Variants in UNC5C observed in about 807,000 individuals in gnomAD.
UNC5C encodes unc-5 netrin receptor C, also known as netrin receptor UNC5C.
Under a neutral mutation model 99.8 loss-of-function variants are expected in UNC5C, and 47 were observed. The ratio of observed to expected loss-of-function variants is 0.47; its 90% CI spans 0.37 to 0.60. The LOEUF is 0.60. UNC5C is among the 20% of genes least tolerant of loss of function. The pLI, the probability that UNC5C is intolerant of heterozygous loss-of-function variation, is 0.00. For missense variants in UNC5C, 1,062 were observed against 1,165.9 expected, an observed-to-expected ratio of 0.91 and a Z score of 1.30; for synonymous variants, 487 against 452.2, an observed-to-expected ratio of 1.08 and a Z score of -0.98.
chr4:95,455,350 A>G (rs2149468878), intron 1 of UNC5C, among the ~76,000 whole-genome samples: 1 of 152,222 alleles, frequency 6.6e-6, no homozygotes, highest in East Asian at 1.9e-4. Context: ...TTTGGTGTCC[A>G]TCTGTAATGG....
At chr4:95,329,549 A>C (rs976816717) in intron 2 of UNC5C, among the ~76,000 whole-genome samples, 2 of 152,168 alleles carry the variant, frequency 1.3e-5, no homozygotes, top group African/African-American at 4.8e-5. Flanking sequence ...ACATATTAAC[A>C]AATGTTTGGA....
intron 1 of UNC5C, among the ~76,000 whole-genome samples, chr4:95,338,916 T>G (rs1488853571): frequency 1.3e-5 from 2 of 151,998 alleles, no homozygotes; most frequent in Non-Finnish European, 2.9e-5. Context: ...GATTAAAAAT[T>G]TATTAAGAAT....
intron 1 of UNC5C, among the ~76,000 whole-genome samples, chr4:95,494,010 GATATCAAAATTCAATAAGGAGAT>G (rs1273375662): frequency 6.6e-6 from 1 of 151,388 alleles, no homozygotes; most frequent in Non-Finnish European, 1.5e-5. Context: ...TTTAAACTAT[GATATCAAAATTCAATAAGGAGAT>G]ATTAAAACTG....
At chr4:95,174,784 T>A (rs1271911391) in intron 14 of UNC5C, among the ~76,000 whole-genome samples, 2 of 146,478 alleles carry the variant, frequency 1.4e-5, no homozygotes, top group African/African-American at 5.0e-5. Context: ...CTGAGTTCAA[T>A]TCCTGGGTAT....
intron 14 of UNC5C, among the ~76,000 whole-genome samples, chr4:95,180,449 C>G (rs1164287279): frequency 6.6e-6 from 1 of 152,204 alleles, no homozygotes; most frequent in Non-Finnish European, 1.5e-5. Context: ...AATCTTTTAT[C>G]ATCTTTTACA....
At chr4:95,371,392 T>C (rs953927160) in intron 1 of UNC5C, among the ~76,000 whole-genome samples, 1 of 133,404 alleles carries the variant, frequency 7.5e-6, no homozygotes, top group East Asian at 2.7e-4. Flanking sequence ...ACAGCTATGA[T>C]AAGAAAGAAA....
Position 95,391,911 on chromosome 4 carries a change from T to C in UNC5C, c.125-56280A>G, listed in dbSNP as rs557192476. On this transcript the variant is annotated intron_variant, in intron 1 of 15. Transcript: ENST00000453304. The stretch of plus-strand genomic sequence containing the variant: ...GGGCCATGTAGAGAAACCCCAGCTC[T>C]AGCTGACCCCTGGCACACCCCTGTC... Among the ~76,000 whole-genome samples the C allele has an allele frequency of 1.1e-3, 162 of 152,176 alleles. 1 individual carries two copies. Among genetic ancestry groups the C allele is most frequent in the Non-Finnish European group, 1.6e-3 (110 of 67,976 alleles).
At chr4:95,219,872 T>C in intron 8 of UNC5C, 113 bp downstream of exon 8, 1 of 1,146,278 alleles carries the variant, frequency 8.7e-7, no homozygotes. Flanking sequence ...TTAACTCAAA[T>C]TGCTGTCTTC....
chr4:95,281,200 A>C (rs184356589), intron 3 of UNC5C, among the ~76,000 whole-genome samples: 1 of 152,338 alleles, frequency 6.6e-6, no homozygotes, highest in East Asian at 1.9e-4. Flanking sequence ...AAATTAATCA[A>C]GATATCACAA....
intron 1 of UNC5C, among the ~76,000 whole-genome samples, chr4:95,355,369 T>C (rs951168431): frequency 5.3e-5 from 8 of 152,186 alleles, no homozygotes; most frequent in African/African-American, 1.9e-4. Flanking sequence ...CTCATTTTCC[T>C]AAATACACTT....
chr4:95,298,942 G>C (rs1741770899), intron 3 of UNC5C, among the ~76,000 whole-genome samples: 1 of 152,160 alleles, frequency 6.6e-6, no homozygotes, highest in African/African-American at 2.4e-5. Context: ...GGAAATCAAA[G>C]TAGTTTTAAT....
At chr4:95,533,709 A>T (rs1429865756) in intron 1 of UNC5C, among the ~76,000 whole-genome samples, 1 of 152,170 alleles carries the variant, frequency 6.6e-6, no homozygotes, top group Non-Finnish European at 1.5e-5. Context: ...TAGTTTGAAA[A>T]CAAAAACAAA....
intron 1 of UNC5C, among the ~76,000 whole-genome samples, chr4:95,490,310 AC>A (rs771924530): frequency 2.0e-4 from 31 of 151,836 alleles, no homozygotes; most frequent in Non-Finnish European, 3.7e-4. Context: ...AAAAGTTTGA[AC>A]TTTTCAAGAC....
chr4:95,179,472 C>T (rs745809481), intron 14 of UNC5C, among the ~76,000 whole-genome samples: 3 of 152,026 alleles, frequency 2.0e-5, no homozygotes, highest in South Asian at 4.1e-4. Context: ...TGAGAACGGG[C>T]GTGGTGGCTC....
Position 95,202,875 on chromosome 4 carries a change from G to A in UNC5C, c.1992C>T (p.Leu664=). Residue 664 remains leucine, a synonymous_variant, in exon 12 of 16, where the codon CTC becomes CTT. Transcript: ENST00000453304. Reference sequence around the variant, plus strand: ...AATGTCCTACCAGGGCGTAGGTGCTGAGGTTCTCTGTGAGGATGTGGCAGG... The same window carrying A: ...AATGTCCTACCAGGGCGTAGGTGCTAAGGTTCTCTGTGAGGATGTGGCAGG... ...AEACHILTEN[L]STYALVGHST... 1.9e-6 allele frequency: 3 copies of A among 1,614,238 alleles called. No individual in the cohort carries two copies. The highest frequency in any genetic ancestry group is 1.7e-6 in the Non-Finnish European group (2 of 1,180,046).
At chr4:95,413,612 G>C (rs1043975419) in intron 1 of UNC5C, among the ~76,000 whole-genome samples, 1 of 152,198 alleles carries the variant, frequency 6.6e-6, no homozygotes, top group Non-Finnish European at 1.5e-5. Context: ...AGGTTTGAAA[G>C]CTACACAGAC....
chr4:95,506,751 T>C (rs1021273768), intron 1 of UNC5C, among the ~76,000 whole-genome samples: 6 of 151,840 alleles, frequency 4.0e-5, no homozygotes, highest in Non-Finnish European at 8.8e-5. Context: ...TACTTTCATA[T>C]ATATACACAC....
chr4:95,250,685 A>T lies in UNC5C; in HGVS notation c.595-18T>A. On this transcript the variant is annotated intron_variant, in intron 4 of 15. Coordinates refer to ENST00000453304, the MANE Select transcript of UNC5C (RefSeq NM_003728.4). The stretch of plus-strand genomic sequence containing the variant: ...CATTCCACCTAAAGATAAATGAGAA[A>T]AGTAGATAAATCCTCAGCATGGATC... The T allele has an allele frequency of 6.2e-7, 1 of 1,611,546 alleles. No individual in the cohort carries two copies. The highest frequency in any genetic ancestry group is 8.5e-7 in the Non-Finnish European group (1 of 1,178,484).
intron 1 of UNC5C, among the ~76,000 whole-genome samples, chr4:95,468,618 T>C (rs1747871675): frequency 6.6e-6 from 1 of 152,188 alleles, no homozygotes; most frequent in South Asian, 2.1e-4. Context: ...AATGATGGCA[T>C]ATTCAATGGT....
Sources: gnomAD v4.1 joint callset for allele counts (sites outside exome capture counted in the v4.1 genomes callset) on GRCh38, gnomAD v4.1.1 for gene constraint, MANE v1.5 for transcripts, NCBI Gene and HGNC (gene_info 2026-07-23, HGNC 2026-07-21) for gene names.